Variants in FRMD5 observed in about 807,000 individuals in gnomAD.
The protein encoded by FRMD5 is FERM domain containing 5, also known as FERM domain-containing protein 5.
FRMD5 carries 20 observed loss-of-function variants against 69.0 expected under a neutral mutation model. The observed-to-expected ratio is 0.29, with a 90% CI of 0.20 to 0.42. The LOEUF (loss-of-function observed/expected upper bound fraction) is 0.42. Ranked by LOEUF, FRMD5 falls within the 10% of genes least tolerant of loss-of-function variation. The probability of loss-of-function intolerance (pLI) is 1.00; values close to 1 mark genes in which losing one functional copy is unlikely to be tolerated. For missense variants in FRMD5, 595 were observed against 708.6 expected (o/e 0.84, Z 1.82); for synonymous variants, 271 against 260.1 (o/e 1.04, Z -0.40).
chr15:44,049,354 A>G (rs538709070), intron 1 of FRMD5, among the ~76,000 whole-genome samples: 2 of 152,330 alleles, frequency 1.3e-5, no homozygotes, highest in South Asian at 2.1e-4. Flanking sequence ...ACACAAGAGT[A>G]TAAGTAACCC....
intron 1 of FRMD5, among the ~76,000 whole-genome samples, chr15:43,966,490 T>C (rs2090297126): frequency 6.6e-6 from 1 of 152,108 alleles, no homozygotes; most frequent in African/African-American, 2.4e-5. Flanking sequence ...TACAAAGGAA[T>C]ACATGATTAA....
chr15:44,194,854 G>A lies in FRMD5; in HGVS notation c.102+99C>T, dbSNP rs138760454. The A allele has an allele frequency of 8.0e-3, 8,021 of 999,012 alleles. 46 individuals carry two copies. The highest frequency in any genetic ancestry group is 0.01 in the Non-Finnish European group (6,693 of 661,540). 61.9% of individuals were successfully genotyped at this position (999,012 alleles called of 1,614,324 possible). ...GGAACGGACAAAGCACGGCGCTGGG[G>A]CTGGGGCGACCCCTGGGCGGCGGCC... On this transcript the variant is annotated intron_variant, in intron 1 of 13. Coordinates refer to ENST00000417257, the MANE Select transcript of FRMD5 (RefSeq NM_032892.5).
In FRMD5 at chr15:43,999,952, GCATATATATATATATATATATATA is replaced by G. The variant is rs1566889776; in HGVS notation, c.103-75667_103-75644del. On this transcript the variant is annotated intron_variant, in intron 1 of 13. Transcript: ENST00000417257. ...ATATATATATATATATATATGCCAT[GCATATATATATATATATATATATA>G]TATATATATATATGTGCCATGATTT... Among the ~76,000 whole-genome samples the G allele has an allele frequency of 3.5e-5, 2 of 56,620 alleles. 1 individual carries two copies. Among genetic ancestry groups the G allele is most frequent in the African/African-American group, 1.9e-4 (2 of 10,576 alleles). 37.1% of individuals were successfully genotyped at this position (56,620 alleles called of 152,430 possible).
intron 11 of FRMD5, 70 bp downstream of exon 11, chr15:43,885,611 A>G (rs1036780828): frequency 7.7e-7 from 1 of 1,295,802 alleles, no homozygotes; most frequent in Non-Finnish European, 1.1e-6. Context: ...CTAAAGGATA[A>G]GGACCACTGA....
At chr15:44,125,918 T>C (rs2077018930) in intron 1 of FRMD5, among the ~76,000 whole-genome samples, 1 of 152,216 alleles carries the variant, frequency 6.6e-6, no homozygotes, top group Non-Finnish European at 1.5e-5. Flanking sequence ...ATCTTAGCCT[T>C]TTCCGAGTCT....
At position 44,056,228 on chromosome 15, in the gene FRMD5, G is replaced by A. The variant is rs139842615; in HGVS notation, c.103-131919C>T. ...AGTCAACAAGCATTTAAAATTCAAG[G>A]TAGTGGGGGGATTCCCAAAAATTAA... On this transcript the variant is annotated intron_variant, in intron 1 of 13. Transcript: ENST00000417257. Among the ~76,000 whole-genome samples, 739 of 152,286 alleles carry A rather than the reference G, an allele frequency of 4.9e-3. 12 individuals are homozygous for A. Among genetic ancestry groups the A allele is most frequent in the African/African-American group, 0.017 (709 of 41,558 alleles).
intron 1 of FRMD5, among the ~76,000 whole-genome samples, chr15:44,022,547 C>G (rs1040534661): frequency 8.4e-6 from 1 of 118,686 alleles, no homozygotes; most frequent in African/African-American, 3.1e-5. Context: ...GTACTCCAGC[C>G]TGGGCAACAG....
At chr15:44,077,587 T>G (rs1490133560) in intron 1 of FRMD5, among the ~76,000 whole-genome samples, 1 of 152,020 alleles carries the variant, frequency 6.6e-6, no homozygotes, top group Admixed American at 6.6e-5. Flanking sequence ...ATACTAACTT[T>G]TTACCTTTTA....
intron 1 of FRMD5, among the ~76,000 whole-genome samples, chr15:44,025,277 T>C (rs1489272873): frequency 6.6e-6 from 1 of 152,112 alleles, no homozygotes; most frequent in South Asian, 2.1e-4. Flanking sequence ...AATGTAGACA[T>C]GGGAAGAGGT....
chr15:43,950,080 T>C (rs1360161851), intron 1 of FRMD5, among the ~76,000 whole-genome samples: 1 of 152,216 alleles, frequency 6.6e-6, no homozygotes, highest in African/African-American at 2.4e-5. Context: ...GAGGTTGTCC[T>C]ACACTGCATC....
chr15:43,879,848 A>C (rs2088475061), intron 13 of FRMD5: 1 of 391,508 alleles, frequency 2.6e-6, no homozygotes, highest in Non-Finnish European at 4.5e-6. Context: ...TGCAGGGAGA[A>C]GGTCACCTCC....
chr15:43,970,872 A>C (rs1005365277), intron 1 of FRMD5, among the ~76,000 whole-genome samples: 1 of 152,204 alleles, frequency 6.6e-6, no homozygotes, highest in African/African-American at 2.4e-5. Context: ...AATATGATAA[A>C]AGAAATGAGA....
At chr15:44,011,697 C>T (rs1216099760) in intron 1 of FRMD5, among the ~76,000 whole-genome samples, 5 of 152,050 alleles carry the variant, frequency 3.3e-5, no homozygotes, top group African/African-American at 7.2e-5. Context: ...AAGGGCAGAA[C>T]CTTAGGGAAT....
chr15:44,162,384 A>G (rs533643265), intron 1 of FRMD5, among the ~76,000 whole-genome samples: 1 of 149,670 alleles, frequency 6.7e-6, no homozygotes, highest in African/African-American at 2.4e-5. Flanking sequence ...CTACAGGTCC[A>G]CGCCACCACA....
intron 1 of FRMD5, among the ~76,000 whole-genome samples, chr15:44,065,550 AG>A (rs1275961548): frequency 2.6e-5 from 4 of 152,214 alleles, no homozygotes; most frequent in Non-Finnish European, 4.4e-5. Context: ...ATGGAGGTTG[AG>A]TACGATCTAG....
intron 1 of FRMD5, among the ~76,000 whole-genome samples, chr15:44,123,989 G>T (rs2140678272): frequency 6.6e-6 from 1 of 152,008 alleles, no homozygotes; most frequent in South Asian, 2.1e-4. Context: ...TCTTTTGGTT[G>T]TTTTGTTTTT....
chr15:44,143,924 C>CAAAAAAA (rs58823511), intron 1 of FRMD5, among the ~76,000 whole-genome samples: 9 of 92,674 alleles, frequency 9.7e-5, no homozygotes, highest in Admixed American at 2.8e-4. Context: ...ACTCTGTCAC[C>CAAAAAAA]AAAAAAAAAA....
chr15:44,128,032 CAA>C (rs1259049379), intron 1 of FRMD5, among the ~76,000 whole-genome samples: 1 of 151,960 alleles, frequency 6.6e-6, no homozygotes, highest in South Asian at 2.1e-4. Flanking sequence ...GCAGCTATGC[CAA>C]GAGAGAGGAA....
chr15:44,131,529 T>C lies in FRMD5; in HGVS notation c.102+63424A>G, dbSNP rs540706346. Among the ~76,000 whole-genome samples, 4 of 152,184 alleles carry C rather than the reference T, an allele frequency of 2.6e-5. No individual in the cohort carries two copies. In the South Asian group the frequency reaches 6.2e-4, roughly 24 times the overall value. On this transcript the variant is annotated intron_variant, in intron 1 of 13. Coordinates refer to ENST00000417257, the MANE Select transcript of FRMD5 (RefSeq NM_032892.5). ...AGCATTATACACAATAGCTAAAACA[T>C]GAAAGCAACCCATGTCAATCAACAG... is the stretch of plus-strand genomic sequence containing the variant.
Sources: allele counts gnomAD v4.1 joint callset (sites outside exome capture counted in the v4.1 genomes callset), GRCh38; gene constraint gnomAD v4.1.1; transcripts MANE v1.5; gene names NCBI Gene and HGNC (gene_info 2026-07-23, HGNC 2026-07-21).